The following SAP130 variants were observed in gnomAD, a reference collection of about 807,000 sequenced individuals.
The protein encoded by SAP130 is histone deacetylase complex subunit SAP130.
A neutral mutation model predicts 103.2 loss-of-function variants in SAP130; 16 were observed. The ratio of observed to expected loss-of-function variants is 0.16; its 90% confidence interval spans 0.10 to 0.24. The LOEUF (loss-of-function observed/expected upper bound fraction) is 0.24. Ranked by LOEUF, SAP130 falls within the 10% of genes least tolerant of loss-of-function variation. The pLI is 1.00. For synonymous variants in SAP130, 477 were observed against 497.0 expected (o/e 0.96, Z 0.53); for missense variants, 990 against 1,359.7 (o/e 0.73, Z 4.28).
At chr2:127,978,482 G>A (rs1031428926) in intron 14 of SAP130, among the ~76,000 whole-genome samples, 2 of 152,098 alleles carry the variant, frequency 1.3e-5, no homozygotes, top group Admixed American at 6.6e-5. Flanking sequence ...TAAAGACCCC[G>A]AAGCCAAGTG....
intron 4 of SAP130, 102 bp downstream of exon 4, chr2:128,016,287 T>C (rs1482676569): frequency 2.4e-6 from 3 of 1,244,170 alleles, no homozygotes; most frequent in Non-Finnish European, 3.4e-6. Context: ...CTGTTTGATC[T>C]TTTTTTATTA....
intron 13 of SAP130, among the ~76,000 whole-genome samples, chr2:127,988,429 T>TAAAA (rs11380500): frequency 8.7e-5 from 11 of 126,288 alleles, no homozygotes; most frequent in African/African-American, 2.1e-4. Context: ...CTTGTCTTTT[T>TAAAA]AAAAAAAAAA....
In SAP130 at chr2:127,959,159, G is replaced by A. The variant is rs895132131; in HGVS notation, c.2064-3815C>T. Among the ~76,000 whole-genome samples, 11 of 152,122 alleles carry A rather than the reference G, an allele frequency of 7.2e-5. No individual in the cohort carries two copies. In the South Asian group the frequency reaches 8.3e-4, roughly 11 times the overall value. ...AAAAAGGCACATTGTCTAGGACCTC[G>A]GGACCCCAGGAATGGCACGGCAGTC... On this transcript the variant is annotated intron_variant, in intron 15 of 20. Transcript: ENST00000643581.
rs571010143 is a variant in SAP130 at position 127,996,780 on chromosome 2, G to A, written c.1214-289C>T. Reference sequence around the variant, plus strand: ...AACCTGGCTTTTTAATGACAGATGCGGTGGCTCACATCTGTCATCTCAGCA... The same window carrying A: ...AACCTGGCTTTTTAATGACAGATGCAGTGGCTCACATCTGTCATCTCAGCA... On this transcript the variant is annotated intron_variant, in intron 10 of 20. Transcript: ENST00000643581. This position sits in a 1 kb window ranked among gnomAD's most constrained non-coding sequence, Gnocchi z 4.3. 5.9e-5 allele frequency among the ~76,000 whole-genome samples: 9 copies of A among 152,066 alleles called. No homozygotes were observed. The South Asian group carries it at 1.5e-3, about 25-fold the overall frequency.
intron 12 of SAP130, 102 bp downstream of exon 12, chr2:127,993,085 G>T: frequency 7.3e-7 from 1 of 1,362,162 alleles, no homozygotes; most frequent in Non-Finnish European, 1.0e-6. Flanking sequence ...AACAGAAGCT[G>T]AAATAATTAA....
chr2:127,942,213 C>A lies in SAP130; in HGVS notation c.3016-49G>T. On this transcript the variant is annotated intron_variant, in intron 20 of 20. Coordinates refer to ENST00000643581, the MANE Select transcript of SAP130 (RefSeq NM_001330301.2). The surrounding 1 kb of genome is among the most constrained non-coding windows in gnomAD (Gnocchi z 4.8). The stretch of plus-strand genomic sequence containing the variant: ...TCAATCAGTGACCATGAGGATAGTA[C>A]AGCTTTTAAAAAACTGCTTGCCTTT... 1 of 1,527,658 alleles carries A rather than the reference C, an allele frequency of 6.5e-7. No individual in the cohort carries two copies. The highest frequency in any genetic ancestry group is 1.3e-5 in the South Asian group (1 of 79,680). 94.6% of individuals were successfully genotyped at this position (1,527,658 alleles called of 1,614,324 possible).
At chr2:128,016,296 TACCGTGA>T in intron 4 of SAP130, 86 bp downstream of exon 4, 1 of 1,301,486 alleles carries the variant, frequency 7.7e-7, no homozygotes, top group South Asian at 1.4e-5. Flanking sequence ...CTTTTTTTAT[TACCGTGA>T]CTAATGTACT....
intron 1 of SAP130, 90 bp downstream of exon 1, chr2:128,027,850 C>T: frequency 1.2e-6 from 1 of 834,514 alleles, no homozygotes; most frequent in Non-Finnish European, 1.4e-6. Context: ...TCCCCGGGGA[C>T]GCGCAACGGG....
At position 127,989,007 on chromosome 2, in the gene SAP130, A is replaced by G. The variant is rs1294952080; in HGVS notation, c.1780+557T>C. ...AATCTTCAATGAGAATACTACTTAT[A>G]AGGTGAATTTTTTCCCACAACTAGG... On this transcript the variant is annotated intron_variant, in intron 13 of 20. Transcript: ENST00000643581. This position sits in a 1 kb window ranked among gnomAD's most constrained non-coding sequence, Gnocchi z 4.6. Among the ~76,000 whole-genome samples the G allele has an allele frequency of 6.6e-6, 1 of 152,190 alleles. No individual in the cohort carries two copies. Among genetic ancestry groups the G allele is most frequent in the African/African-American group, 2.4e-5 (1 of 41,442 alleles).
chr2:127,941,840 T>C lies in SAP130; in HGVS notation c.*166A>G. On this transcript the variant is annotated 3_prime_UTR_variant, in exon 21 of 21. Transcript: ENST00000643581. ...GCAGCTCACTATGTCCAGTCAGCTC[T>C]GATCCTTTCACGCCCTTGGATGTCA... 1 of 655,918 alleles carries C rather than the reference T, an allele frequency of 1.5e-6. No individual in the cohort carries two copies. Among genetic ancestry groups the C allele is most frequent in the Non-Finnish European group, 2.6e-6 (1 of 385,434 alleles). The allele number at this position is 655,918 out of a possible 1,614,324, so 40.6% of individuals were successfully genotyped here. A position where few individuals can be genotyped will look rare whatever the true frequency, so the allele number is the denominator to read the frequency against.
At chr2:127,977,669 T>TAATC (rs1439628509) in intron 15 of SAP130, among the ~76,000 whole-genome samples, 4 of 152,326 alleles carry the variant, frequency 2.6e-5, no homozygotes, top group Non-Finnish European at 5.9e-5. Flanking sequence ...GCCCACTTTA[T>TAATC]AAATGAGGCA....
chr2:127,977,124 A>C (rs918271497), intron 15 of SAP130, among the ~76,000 whole-genome samples: 2 of 152,154 alleles, frequency 1.3e-5, no homozygotes, highest in Non-Finnish European at 1.5e-5. Flanking sequence ...TTTATACTTT[A>C]AGTATTTTTA....
rs555834562 is a variant in SAP130, at chr2:127,950,595, A to T, written c.2423-187T>A. Among the ~76,000 whole-genome samples, 3 of 152,342 alleles carry T rather than the reference A, an allele frequency of 2.0e-5. No homozygotes were observed. The East Asian group carries it at 5.8e-4, about 29-fold the overall frequency. The stretch of plus-strand genomic sequence containing the variant: ...GCTGCAAACTCCTCCCTTATAGCCC[A>T]TATCTTCATCTTCCTTAGGTCCAGG... On this transcript the variant is annotated intron_variant, in intron 16 of 20. Transcript: ENST00000643581.
intron 18 of SAP130, among the ~76,000 whole-genome samples, chr2:127,946,179 A>G (rs1026525845): frequency 2.0e-5 from 3 of 152,284 alleles, no homozygotes; most frequent in Middle Eastern, 3.4e-3. Context: ...GATACCTTCT[A>G]ATTTCTTCCT....
intron 15 of SAP130, among the ~76,000 whole-genome samples, chr2:127,956,308 T>C (rs11887307): frequency 7.9e-4 from 121 of 152,336 alleles, no homozygotes; most frequent in African/African-American, 2.9e-3. Context: ...TCCTCTGTAA[T>C]AGCCTTTATG....
intron 14 of SAP130, among the ~76,000 whole-genome samples, chr2:127,978,341 C>T (rs1681621287): frequency 6.6e-6 from 1 of 152,104 alleles, no homozygotes; most frequent in Admixed American, 6.6e-5. Context: ...TGCCAGGCTC[C>T]CTCCAGGAAG....
At chr2:127,997,404 CAA>C (rs1462242338) in intron 10 of SAP130, among the ~76,000 whole-genome samples, 3 of 152,202 alleles carry the variant, frequency 2.0e-5, no homozygotes, top group Non-Finnish European at 4.4e-5. Flanking sequence ...GGCACATTAA[CAA>C]AGAGACTAGA....
intron 14 of SAP130, among the ~76,000 whole-genome samples, chr2:127,979,864 T>C (rs1271997305): frequency 6.6e-6 from 1 of 151,858 alleles, no homozygotes; most frequent in Non-Finnish European, 1.5e-5. Flanking sequence ...TATATTCCTA[T>C]GTTCAAAATT....
intron 4 of SAP130, among the ~76,000 whole-genome samples, chr2:128,015,356 T>A (rs1684698252): frequency 6.6e-6 from 1 of 152,186 alleles, no homozygotes; most frequent in African/African-American, 2.4e-5. Flanking sequence ...CCCTACCAGT[T>A]CTTCAGCTCA....
Sources: allele counts gnomAD v4.1 joint callset (sites outside exome capture counted in the v4.1 genomes callset), GRCh38; gene constraint gnomAD v4.1.1; non-coding constraint Gnocchi (gnomAD v3.1); transcripts MANE v1.5; gene names NCBI Gene and HGNC (gene_info 2026-07-23, HGNC 2026-07-21).